TECTB: variants seen among roughly 807,000 people sequenced by gnomAD.
TECTB encodes tectorin beta.
TECTB carries 45 observed loss-of-function variants against 43.3 expected under a neutral mutation model. That is an observed-to-expected ratio of 1.04 (90% CI 0.82 to 1.33). The LOEUF is 1.33. Ranked by LOEUF, TECTB falls within the 40% of genes most tolerant of loss-of-function variation. TECTB has a pLI of 0.00. For synonymous variants in TECTB, 169 were observed against 156.7 expected (o/e 1.08, Z -0.59); for missense variants, 399 against 404.7 (o/e 0.99, Z 0.12).
intron 7 of TECTB, 21 bp downstream of exon 7, chr10:112,294,082 C>G: frequency 6.2e-7 from 1 of 1,602,602 alleles, no homozygotes; most frequent in Non-Finnish European, 8.5e-7. Flanking sequence ...TATCTAGAGA[C>G]AGGGCTGAAC....
chr10:112,298,120 G>T lies in TECTB; in HGVS notation c.723G>T (p.Arg241Ser). Residue 241 changes from arginine (R) to serine (S), a missense_variant, in exon 8 of 11, where the codon AGG (arginine) becomes AGT (serine). Physicochemically the swap from Arg to Ser is moderately radical, Grantham distance 110 (BLOSUM62 -1). Coordinates refer to ENST00000646139, the MANE Select transcript of TECTB (RefSeq NM_058222.3). ...TGCATGAGAATGGGAGAGATCACAG[G>T]GCAACCTTCCAATTCAATGCTTTCC... Reference protein sequence around the residue: ...VLVHENGRDHRATFQFNAFRF... With the variant: ...VLVHENGRDHSATFQFNAFRF... 6.2e-7 allele frequency: 1 copy of T among 1,614,166 alleles called. No individual in the cohort carries two copies.
Position 112,303,480 on chromosome 10 carries a change from C to G in TECTB, c.*168C>G, listed in dbSNP as rs1219215814. 3.7e-6 allele frequency: 3 copies of G among 800,384 alleles called. No homozygotes were observed. The South Asian group carries it at 5.6e-5, about 15-fold the overall frequency. 49.6% of individuals were successfully genotyped at this position (800,384 alleles called of 1,614,324 possible). A position where few individuals can be genotyped will look rare whatever the true frequency, so the allele number is the denominator to read the frequency against. On this transcript the variant is annotated 3_prime_UTR_variant, in exon 11 of 11. Transcript: ENST00000646139. Reference sequence around the variant, plus strand: ...AATAATTTCTGTGAATTTGGTGATGCCTTTTTCTTTCTAAGAAAAACTTAG... The same window carrying G: ...AATAATTTCTGTGAATTTGGTGATGGCTTTTTCTTTCTAAGAAAAACTTAG...
intron 5 of TECTB, among the ~76,000 whole-genome samples, chr10:112,291,994 G>C (rs1848503156): frequency 6.6e-6 from 1 of 152,060 alleles, no homozygotes; most frequent in Admixed American, 6.5e-5. Flanking sequence ...AAATTAGCCG[G>C]GCGTGGTGGC....
At chr10:112,299,783 T>G in intron 9 of TECTB, 1 of 539,470 alleles carries the variant, frequency 1.9e-6, no homozygotes, top group Non-Finnish European at 3.3e-6. Context: ...AAGTTCTAAC[T>G]GCACCCTAAA....
intron 2 of TECTB, 116 bp from the exon 3 acceptor site, chr10:112,284,419 A>C: frequency 3.1e-6 from 3 of 968,602 alleles, no homozygotes; most frequent in Non-Finnish European, 4.2e-6. Flanking sequence ...ATAGCAGGGA[A>C]GGTGTTTTTA....
intron 9 of TECTB, among the ~76,000 whole-genome samples, chr10:112,300,412 T>C (rs1848599770): frequency 6.6e-6 from 1 of 152,016 alleles, no homozygotes. Context: ...CAAAAAACCT[T>C]TACTGAGTAT....
rs746448695 is a variant in TECTB, at chr10:112,293,841, G to C, written c.587G>C (p.Arg196Thr). ...AGVEAKGLSI[R>T]FKVVLNSCWA... ...GTGGAAGCCAAAGGGTTAAGCATTA[G>C]GTAAGTACATTTCCTCCAAGTTTAT... Residue 196 changes from arginine to threonine, a missense_variant and splice_region_variant, in exon 6 of 11, where the codon AGG becomes ACG. Arg to Thr is a moderately conservative substitution (Grantham distance 71, BLOSUM62 -1). Transcript: ENST00000646139. The C allele has an allele frequency of 2.5e-6, 4 of 1,613,728 alleles. No individual in the cohort carries two copies. In the East Asian group the frequency reaches 6.7e-5, roughly 27 times the overall value.
intron 2 of TECTB, 79 bp downstream of exon 2, chr10:112,283,889 C>A (rs980204191): frequency 1.4e-6 from 2 of 1,430,542 alleles, no homozygotes; most frequent in Non-Finnish European, 1.9e-6. Flanking sequence ...CACTTCTGTG[C>A]TTAACTTGTT....
At chr10:112,300,062 T>C (rs1257619259) in intron 9 of TECTB, among the ~76,000 whole-genome samples, 1 of 149,412 alleles carries the variant, frequency 6.7e-6, no homozygotes, top group Non-Finnish European at 1.5e-5. Context: ...CTCGGGAGGC[T>C]AAGGCAGGAG....
chr10:112,299,474 G>A lies in TECTB; in HGVS notation c.835-18G>A. ...CACCTTCCCCGCTTCTCTCCTGTCT[G>A]CCTCTCTGGGTCTTCAGACCTGCGA... On this transcript the variant is annotated intron_variant, in intron 8 of 10. Transcript: ENST00000646139. The A allele has an allele frequency of 6.2e-7, 1 of 1,613,920 alleles. No homozygotes were observed. The highest frequency in any genetic ancestry group is 8.5e-7 in the Non-Finnish European group (1 of 1,179,848).
intron 8 of TECTB, 86 bp from the exon 9 acceptor site, chr10:112,299,404 AAT>A (rs1848576372): frequency 7.5e-7 from 1 of 1,332,750 alleles, no homozygotes; most frequent in Non-Finnish European, 1.1e-6. Flanking sequence ...ACCTTTTTAA[AAT>A]ATCTTTTCTT....
chr10:112,292,815 C>G (rs977094891), intron 5 of TECTB, among the ~76,000 whole-genome samples: 4 of 152,156 alleles, frequency 2.6e-5, no homozygotes, highest in Non-Finnish European at 5.9e-5. Context: ...ACTCTCCACC[C>G]TCCTGCCTCA....
At position 112,298,098 on chromosome 10, in the gene TECTB, A is replaced by G. The variant is rs755882783; in HGVS notation, c.701A>G (p.His234Arg). The G allele has an allele frequency of 1.9e-6, 3 of 1,614,208 alleles. No homozygotes were observed. The highest frequency in any genetic ancestry group is 2.5e-6 in the Non-Finnish European group (3 of 1,180,038). Residue 234 changes from histidine to arginine, a missense_variant, in exon 8 of 11, where the codon CAT becomes CGT. His to Arg is a conservative substitution (Grantham distance 29, BLOSUM62 0). Transcript: ENST00000646139. ...GCPTDETVLV[H>R]ENGRDHRATF... The stretch of plus-strand genomic sequence containing the variant: ...CCCACGGATGAAACCGTCCTCGTGC[A>G]TGAGAATGGGAGAGATCACAGGGCA...
chr10:112,300,230 TAAAGAAAG>T (rs1554854200), intron 9 of TECTB, among the ~76,000 whole-genome samples: 628 of 54,980 alleles, frequency 0.011, 16 homozygotes, highest in East Asian at 0.02. Flanking sequence ...CAGAAAGAAA[TAAAGAAAG>T]AAAGAAAGAA....
At position 112,286,506 on chromosome 10, in the gene TECTB, A is replaced by C. The variant is rs962661076; in HGVS notation, c.483+115A>C. Reference sequence around the variant, plus strand: ...AGCTCTGTGCAGAGCCCCATTCTTAAATTCAAGTTGAAACATGAACTTTGG... The same window carrying C: ...AGCTCTGTGCAGAGCCCCATTCTTACATTCAAGTTGAAACATGAACTTTGG... On this transcript the variant is annotated intron_variant, in intron 5 of 10. Transcript: ENST00000646139. 7.0e-6 allele frequency: 8 copies of C among 1,138,260 alleles called. No homozygotes were observed. The African/African-American group carries it at 1.2e-4, about 18-fold the overall frequency. The allele number at this position is 1,138,260 out of a possible 1,614,324, so 70.5% of individuals were successfully genotyped here.
intron 9 of TECTB, among the ~76,000 whole-genome samples, chr10:112,301,312 C>T (rs1253075155): frequency 6.6e-6 from 1 of 151,496 alleles, no homozygotes; most frequent in Non-Finnish European, 1.5e-5. Flanking sequence ...GAGGCTGAGG[C>T]CAGAGAATCA....
intron 5 of TECTB, among the ~76,000 whole-genome samples, chr10:112,292,037 G>A (rs1848503544): frequency 6.6e-6 from 1 of 151,896 alleles, no homozygotes; most frequent in Non-Finnish European, 1.5e-5. Flanking sequence ...TCGGGATGCT[G>A]AGGCAGAAGA....
At chr10:112,300,162 CAAA>C (rs1306586232) in intron 9 of TECTB, among the ~76,000 whole-genome samples, 2 of 39,940 alleles carry the variant, frequency 5.0e-5, no homozygotes, top group South Asian at 7.8e-4. Context: ...AACTCCGTCT[CAAA>C]AAAAAAAAAA....
At chr10:112,291,539 C>T (rs1388246353) in intron 5 of TECTB, among the ~76,000 whole-genome samples, 12 of 152,192 alleles carry the variant, frequency 7.9e-5, no homozygotes, top group Admixed American at 7.9e-4. Flanking sequence ...GGTACATATA[C>T]ACCATGGAAT....
Sources: allele counts gnomAD v4.1 joint callset (sites outside exome capture counted in the v4.1 genomes callset), GRCh38; gene constraint gnomAD v4.1.1; transcripts MANE v1.5; gene names NCBI Gene and HGNC (gene_info 2026-07-23, HGNC 2026-07-21).